Variants in INPP5D observed in about 807,000 individuals in gnomAD.
INPP5D encodes phosphatidylinositol 3,4,5-trisphosphate 5-phosphatase 1.
Under a neutral mutation model 122.9 loss-of-function variants are expected in INPP5D, and 33 were observed. The observed-to-expected ratio is 0.27, with a 90% CI of 0.20 to 0.36. The LOEUF (loss-of-function observed/expected upper bound fraction) is 0.36. INPP5D is among the 10% of genes least tolerant of loss of function. INPP5D has a pLI of 1.00. For missense variants in INPP5D, 1,053 were observed against 1,412.7 expected, an observed-to-expected ratio of 0.75 and a Z score of 4.08; for synonymous variants, 584 against 576.2, an observed-to-expected ratio of 1.01 and a Z score of -0.19.
chr2:233,107,916 C>T (rs1692510440), intron 2 of INPP5D, among the ~76,000 whole-genome samples: 1 of 152,178 alleles, frequency 6.6e-6, no homozygotes, highest in South Asian at 2.1e-4. Context: ...CACTGAGATT[C>T]TGACCGAGAC....
intron 9 of INPP5D, among the ~76,000 whole-genome samples, chr2:233,148,050 A>G (rs941579498): frequency 6.6e-6 from 1 of 152,246 alleles, no homozygotes; most frequent in Non-Finnish European, 1.5e-5. Flanking sequence ...AGAGCCCAGC[A>G]TGTAGTGGCC....
At chr2:233,088,330 G>T (rs1691905528) in intron 2 of INPP5D, among the ~76,000 whole-genome samples, 1 of 152,138 alleles carries the variant, frequency 6.6e-6, no homozygotes. Flanking sequence ...TGTTTCACTG[G>T]CCCTGTTGTC....
Position 233,198,079 on chromosome 2 carries a change from C to G in INPP5D, c.2694-16C>G. The G allele has an allele frequency of 1.3e-6, 2 of 1,562,252 alleles. No homozygotes were observed. The highest frequency in any genetic ancestry group is 2.4e-5 in the South Asian group (2 of 85,000). On this transcript the variant is annotated splice_polypyrimidine_tract_variant and intron_variant, in intron 24 of 26. Transcript: ENST00000445964. ...GGAAGGGACCCCTGAGATGTGACTCCATGTCCTCCCTGCAGGGCCCCTCCG... is the reference window on the plus strand; with the variant it reads ...GGAAGGGACCCCTGAGATGTGACTCGATGTCCTCCCTGCAGGGCCCCTCCG...
chr2:233,169,009 C>T, intron 13 of INPP5D: 2 of 364,066 alleles, frequency 5.5e-6, no homozygotes, highest in Non-Finnish European at 1.0e-5. Flanking sequence ...CCCAGGGCTT[C>T]TGGCTGCCCG....
rs1245114841 is a variant in INPP5D, at chr2:233,130,527, A to G, written c.544A>G (p.Lys182Glu). The change falls in exon 5 of 27, where the codon AAG becomes GAG. Residue 182 changes from lysine (K) to glutamate (E), a missense_variant. Coordinates refer to ENST00000445964, the MANE Select transcript of INPP5D (RefSeq NM_001017915.3). ...CTTTAGGCTTCCAGAAGAGCATCTT[A>G]AGGCCATCCAAGATTATTTAAGCAC... is the stretch of plus-strand genomic sequence containing the variant. Reference protein sequence around the residue: ...DTSGLPEEHLKAIQDYLSTQL... With the variant: ...DTSGLPEEHLEAIQDYLSTQL... The G allele has an allele frequency of 2.5e-6, 4 of 1,613,854 alleles. No individual in the cohort carries two copies. The highest frequency in any genetic ancestry group is 3.4e-6 in the Non-Finnish European group (4 of 1,179,894).
intron 10 of INPP5D, among the ~76,000 whole-genome samples, chr2:233,159,693 C>CAAAA (rs548439384): frequency 0.011 from 1,004 of 91,708 alleles, 48 homozygotes; most frequent in East Asian, 0.054. Context: ...GATCCTGTCT[C>CAAAA]AAAAAAAAAA....
At chr2:233,138,449 A>T (rs1376817662) in intron 5 of INPP5D, among the ~76,000 whole-genome samples, 1 of 152,214 alleles carries the variant, frequency 6.6e-6, no homozygotes, top group Non-Finnish European at 1.5e-5. Context: ...TGCAGTAGCC[A>T]TTAACTAGAA....
intron 10 of INPP5D, among the ~76,000 whole-genome samples, chr2:233,159,707 A>AAG (rs1364329405): frequency 6.6e-6 from 1 of 151,116 alleles, no homozygotes; most frequent in Non-Finnish European, 1.5e-5. Flanking sequence ...AAAAAAAAAA[A>AAG]AAAAAAGATT....
chr2:233,159,227 G>A (rs1018178036), intron 10 of INPP5D, among the ~76,000 whole-genome samples: 2 of 152,212 alleles, frequency 1.3e-5, no homozygotes, highest in Non-Finnish European at 2.9e-5. Context: ...CTGGGCCTCT[G>A]TGCCCCCACA....
chr2:233,125,947 C>G, intron 4 of INPP5D, 28 bp downstream of exon 4: 1 of 1,604,152 alleles, frequency 6.2e-7, no homozygotes, highest in Non-Finnish European at 8.5e-7. Context: ...TCCAGCTGGG[C>G]CTTCATCTGC....
At chr2:233,107,261 C>G (rs1009739266) in intron 2 of INPP5D, among the ~76,000 whole-genome samples, 1 of 152,110 alleles carries the variant, frequency 6.6e-6, no homozygotes, top group Non-Finnish European at 1.5e-5. Context: ...CCACAAGGAG[C>G]TGTGGAGTGT....
At chr2:233,140,960 T>A (rs1693620259) in intron 6 of INPP5D, 1 of 152,236 alleles carries the variant, frequency 6.6e-6, no homozygotes, top group Non-Finnish European at 1.5e-5. Context: ...TGAAAAGGCG[T>A]TCAACCTCAC....
intron 25 of INPP5D, among the ~76,000 whole-genome samples, chr2:233,198,705 C>T (rs750686685): frequency 1.3e-5 from 2 of 151,892 alleles, no homozygotes; most frequent in Non-Finnish European, 1.5e-5. Context: ...AATCCCAGCA[C>T]TTTGGGAGGC....
At chr2:233,099,622 A>T (rs78931617) in intron 2 of INPP5D, among the ~76,000 whole-genome samples, 2,513 of 152,308 alleles carry the variant, frequency 0.016, 71 homozygotes, top group South Asian at 0.053. Context: ...CCTATGTTGG[A>T]TTTAGTGTTC....
intron 25 of INPP5D, among the ~76,000 whole-genome samples, chr2:233,198,845 G>GAGTACT (rs1695256092): frequency 1.3e-5 from 2 of 152,114 alleles, no homozygotes; most frequent in East Asian, 3.9e-4. Context: ...AGCTACTCAG[G>GAGTACT]AGGCTGAGGC....
chr2:233,190,592 T>C (rs1280907792), intron 22 of INPP5D, among the ~76,000 whole-genome samples: 1 of 152,146 alleles, frequency 6.6e-6, no homozygotes, highest in Non-Finnish European at 1.5e-5. Flanking sequence ...GGTCTTCTGC[T>C]CAGCATCGCC....
At chr2:233,079,223 G>A (rs756320849) in intron 1 of INPP5D, 112 bp from the exon 2 acceptor site, 29 of 715,668 alleles carry the variant, frequency 4.1e-5, no homozygotes, top group Non-Finnish European at 5.7e-5. Context: ...TCCGAAATTC[G>A]GAGACTTTGT....
chr2:233,146,012 G>A (rs1300911814), intron 6 of INPP5D, 150 bp from the exon 7 acceptor site: 1 of 702,444 alleles, frequency 1.4e-6, no homozygotes, highest in Non-Finnish European at 2.6e-6. Context: ...AGATCCCTGT[G>A]TCCTCATCTG....
At chr2:233,167,087 C>A (rs1377350624) in intron 13 of INPP5D, among the ~76,000 whole-genome samples, 1 of 151,754 alleles carries the variant, frequency 6.6e-6, no homozygotes, top group Non-Finnish European at 1.5e-5. Flanking sequence ...GATATAAACA[C>A]CCTGCTAGGC....
Sources: gnomAD v4.1 joint callset for allele counts (sites outside exome capture counted in the v4.1 genomes callset) on GRCh38, gnomAD v4.1.1 for gene constraint, MANE v1.5 for transcripts, NCBI Gene and HGNC (gene_info 2026-07-23, HGNC 2026-07-21) for gene names.